Variants in HNRNPLL observed in about 807,000 individuals in gnomAD.
The protein encoded by HNRNPLL is heterogeneous nuclear ribonucleoprotein L like.
Under a neutral mutation model 67.1 loss-of-function variants are expected in HNRNPLL, and 25 were observed. That is an observed-to-expected ratio of 0.37 (90% CI 0.27 to 0.52). The LOEUF is 0.52. Ranked by LOEUF, HNRNPLL falls within the 20% of genes least tolerant of loss-of-function variation. The pLI is 0.90. For synonymous variants in HNRNPLL, 267 were observed against 241.7 expected (o/e 1.10, Z -0.97); for missense variants, 542 against 673.9 (o/e 0.80, Z 2.17).
chr2:38,564,091 T>G lies in HNRNPLL; in HGVS notation c.*91A>C. On this transcript the variant is annotated 3_prime_UTR_variant, in exon 13 of 13. Transcript: ENST00000449105. ...GGATCTTAAAGTAAGCAAGGCAACATGAGATCAACCATTTTAGATTTTTTT... is the reference window on the plus strand; with the variant it reads ...GGATCTTAAAGTAAGCAAGGCAACAGGAGATCAACCATTTTAGATTTTTTT... The G allele has an allele frequency of 3.0e-5, 25 of 821,868 alleles. No individual in the cohort carries two copies. The highest frequency in any genetic ancestry group is 4.4e-5 in the Non-Finnish European group (21 of 472,182). 50.9% of individuals were successfully genotyped at this position (821,868 alleles called of 1,614,324 possible). A position where few individuals can be genotyped will look rare whatever the true frequency, so the allele number is the denominator to read the frequency against.
chr2:38,593,142 T>A (rs1260744156), intron 1 of HNRNPLL, among the ~76,000 whole-genome samples: 1 of 152,242 alleles, frequency 6.6e-6, no homozygotes, highest in Admixed American at 6.5e-5. Context: ...GAATTGCTTA[T>A]GCTCCGTCTT....
rs778620766 is a variant in HNRNPLL at position 38,602,822 on chromosome 2, G to A, written c.-196C>T. 2.8e-5 allele frequency: 44 copies of A among 1,546,830 alleles called. No individual in the cohort carries two copies. Among genetic ancestry groups the A allele is most frequent in the Middle Eastern group, 1.7e-4 (1 of 6,000 alleles). On this transcript the variant is annotated 5_prime_UTR_variant, in exon 1 of 13. Transcript: ENST00000449105. The stretch of plus-strand genomic sequence containing the variant: ...GGACGGACTGAGGGGGGCGCCCCGG[G>A]AGGAAGCTCTGGAGCGGCCGCTCCT...
At chr2:38,586,284 G>C (rs1340449290) in intron 2 of HNRNPLL, among the ~76,000 whole-genome samples, 1 of 152,142 alleles carries the variant, frequency 6.6e-6, no homozygotes, top group African/African-American at 2.4e-5. Flanking sequence ...GCCTCCCAAA[G>C]TGCTGGGATT....
In HNRNPLL at chr2:38,583,890, C is replaced by T; in HGVS notation, c.583G>A (p.Val195Met). ...CTCTTGAATATAACAATACGTTGCA[C>T]TTTGCCAACAGGGTTGCATACAGTA... ...LYTVCNPVGK[V>M]QRIVIFKRNG... Residue 195 changes from valine to methionine, a missense_variant, in exon 4 of 13, where the codon GTG becomes ATG. This residue lies in a region of HNRNPLL where 415 missense variants were observed against 575.2 expected (regional missense o/e 0.72). Coordinates refer to ENST00000449105, the MANE Select transcript of HNRNPLL (RefSeq NM_138394.4). 6.4e-7 allele frequency: 1 copy of T among 1,574,470 alleles called. No individual in the cohort carries two copies. Among genetic ancestry groups the T allele is most frequent in the Non-Finnish European group, 8.7e-7 (1 of 1,149,968 alleles).
At chr2:38,602,403 C>G (rs1667479533) in intron 1 of HNRNPLL, 35 bp downstream of exon 1, 1 of 1,546,170 alleles carries the variant, frequency 6.5e-7, no homozygotes, top group Admixed American at 1.9e-5. Flanking sequence ...GGGGAGCAGC[C>G]AGGCACAGCG....
chr2:38,591,602 T>C lies in HNRNPLL; in HGVS notation c.236A>G (p.His79Arg). The change falls in exon 2 of 13, where the codon CAT becomes CGT. Residue 79 changes from histidine (H) to arginine (R), a missense_variant. His to Arg is a conservative substitution (Grantham distance 29, BLOSUM62 0). This residue lies in a region of HNRNPLL where 415 missense variants were observed against 575.2 expected (regional missense o/e 0.72). Transcript: ENST00000449105. ...CACAGATTCACAGAGTCCTCGAACA[T>C]GGACGACGGGTGAAACAGAAACTTT... is the stretch of plus-strand genomic sequence containing the variant. ...HHKVSVSPVVHVRGLCESVVE... is the reference protein window; with the variant it reads ...HHKVSVSPVVRVRGLCESVVE... 1 of 1,613,924 alleles carries C rather than the reference T, an allele frequency of 6.2e-7. No individual in the cohort carries two copies. Among genetic ancestry groups the C allele is most frequent in the Non-Finnish European group, 8.5e-7 (1 of 1,179,836 alleles).
At chr2:38,568,099 T>C in intron 12 of HNRNPLL, 100 bp downstream of exon 12, 1 of 702,696 alleles carries the variant, frequency 1.4e-6, no homozygotes, top group East Asian at 2.8e-5. Context: ...TCTGTATTTT[T>C]TAAGAAGCCT....
chr2:38,583,784 G>C (rs1398641085), intron 4 of HNRNPLL, 57 bp downstream of exon 4: 8 of 818,156 alleles, frequency 9.8e-6, no homozygotes, highest in Non-Finnish European at 1.6e-5. Context: ...GCTTAAGCCA[G>C]AAAAAATAAG....
At chr2:38,572,261 A>C (rs1260406525) in intron 8 of HNRNPLL, among the ~76,000 whole-genome samples, 1 of 152,100 alleles carries the variant, frequency 6.6e-6, no homozygotes, top group Non-Finnish European at 1.5e-5. Flanking sequence ...AATGGTTGAC[A>C]AAATTCTTGT....
Position 38,602,506 on chromosome 2 carries a change from T to A in HNRNPLL, c.121A>T (p.Asn41Tyr). 1.3e-6 allele frequency: 2 copies of A among 1,549,602 alleles called. No homozygotes were observed. The highest frequency in any genetic ancestry group is 1.7e-6 in the Non-Finnish European group (2 of 1,148,606). The change falls in exon 1 of 13, where the codon AAC becomes TAC. Residue 41 changes from asparagine (N) to tyrosine (Y), a missense_variant. Asn to Tyr is a moderately radical substitution (Grantham distance 143). Transcript: ENST00000449105. Reference protein sequence around the residue: ...EIDYSAEEGENRREATPRGGG... With the variant: ...EIDYSAEEGEYRREATPRGGG... ...CCCCGGGGCGTCGCTTCCCGGCGGT[T>A]CTCGCCTTCCTCGGCCGAGTAGTCG... is the stretch of plus-strand genomic sequence containing the variant.
chr2:38,583,992 G>A (rs566890742), intron 3 of HNRNPLL, 66 bp from the exon 4 acceptor site: 59 of 635,998 alleles, frequency 9.3e-5, no homozygotes, highest in East Asian at 9.0e-4. Context: ...GCTATACTTC[G>A]TTTTGTTTTA....
At chr2:38,574,086 T>C (rs1229494091) in intron 7 of HNRNPLL, among the ~76,000 whole-genome samples, 5 of 151,944 alleles carry the variant, frequency 3.3e-5, no homozygotes, top group Non-Finnish European at 7.4e-5. Context: ...TCTAAAACTA[T>C]TTCAGCAGAA....
At chr2:38,602,231 G>A in intron 1 of HNRNPLL, 1 of 548,710 alleles carries the variant, frequency 1.8e-6, no homozygotes, top group South Asian at 2.4e-5. Context: ...TGCGGGGCCT[G>A]CGGCCAGGAC....
chr2:38,564,050 T>G lies in HNRNPLL; in HGVS notation c.*132A>C. 1 of 652,162 alleles carries G rather than the reference T, an allele frequency of 1.5e-6. No homozygotes were observed. Among genetic ancestry groups the G allele is most frequent in the South Asian group, 1.8e-5 (1 of 57,010 alleles). The allele number at this position is 652,162 out of a possible 1,614,324, so 40.4% of individuals were successfully genotyped here. On this transcript the variant is annotated 3_prime_UTR_variant, in exon 13 of 13. Coordinates refer to ENST00000449105, the MANE Select transcript of HNRNPLL (RefSeq NM_138394.4). Reference sequence around the variant, plus strand: ...CAACAAATTTACTCAAGGCAAAATATGTTTATTACAGAACAGGATCTTAAA... The same window carrying G: ...CAACAAATTTACTCAAGGCAAAATAGGTTTATTACAGAACAGGATCTTAAA...
intron 1 of HNRNPLL, among the ~76,000 whole-genome samples, chr2:38,596,323 C>T (rs1273019272): frequency 1.5e-5 from 1 of 68,390 alleles, no homozygotes; most frequent in Non-Finnish European, 3.0e-5. Context: ...AGTGCAGTGG[C>T]ACAAGGTCTC....
chr2:38,601,393 ATAG>A (rs1292358891), intron 1 of HNRNPLL, among the ~76,000 whole-genome samples: 2 of 152,210 alleles, frequency 1.3e-5, no homozygotes, highest in East Asian at 1.9e-4. Context: ...TTTTAACCTA[ATAG>A]TAGGATATAT....
At chr2:38,594,747 C>T (rs35219064) in intron 1 of HNRNPLL, among the ~76,000 whole-genome samples, 12,788 of 151,684 alleles carry the variant, frequency 0.084, 769 homozygotes, top group Non-Finnish European at 0.13. Flanking sequence ...GTCAGGAGTT[C>T]GAGATCAACC....
chr2:38,593,999 C>T (rs898378029), intron 1 of HNRNPLL, among the ~76,000 whole-genome samples: 2 of 152,022 alleles, frequency 1.3e-5, no homozygotes, highest in Non-Finnish European at 2.9e-5. Context: ...ACGGTGAAAC[C>T]CCGTCTCTAC....
intron 4 of HNRNPLL, among the ~76,000 whole-genome samples, chr2:38,582,807 C>G (rs923269670): frequency 2.6e-5 from 4 of 151,330 alleles, no homozygotes; most frequent in African/African-American, 9.7e-5. Context: ...GTCATCCCAG[C>G]TACTTGGGAG....
Sources: allele counts gnomAD v4.1 joint callset (sites outside exome capture counted in the v4.1 genomes callset), GRCh38; gene constraint gnomAD v4.1.1; regional missense constraint gnomAD v4.1.1; transcripts MANE v1.5; gene names NCBI Gene and HGNC (gene_info 2026-07-23, HGNC 2026-07-21).